The following FBLIM1 variants were observed in gnomAD, a reference collection of about 807,000 sequenced individuals.
FBLIM1 encodes filamin-binding LIM protein 1.
FBLIM1 carries 29 observed loss-of-function variants against 37.4 expected under a neutral mutation model. The ratio of observed to expected loss-of-function variants is 0.77; its 90% CI spans 0.58 to 1.06. The LOEUF is 1.06. FBLIM1 is among the 50% of genes least tolerant of loss of function. The pLI is 0.00. For synonymous variants in FBLIM1, 193 were observed against 199.0 expected (o/e 0.97, Z 0.25); for missense variants, 449 against 505.6 (o/e 0.89, Z 1.07).
At chr1:15,770,131 G>T (rs1042785614) in intron 5 of FBLIM1, among the ~76,000 whole-genome samples, 1 of 151,758 alleles carries the variant, frequency 6.6e-6, no homozygotes, top group African/African-American at 2.4e-5. Context: ...ATTTTTAGTA[G>T]AGATGGGGTT....
chr1:15,761,624 C>A (rs538404503), intron 1 of FBLIM1, among the ~76,000 whole-genome samples: 5 of 152,348 alleles, frequency 3.3e-5, no homozygotes, highest in African/African-American at 1.2e-4. Context: ...AGCATACGTA[C>A]TTCCAGACAT....
In FBLIM1 at chr1:15,781,718, G is replaced by GTTT. The variant is rs71002929; in HGVS notation, c.1009-2814_1009-2812dup. On this transcript the variant is annotated intron_variant, in intron 8 of 8. Coordinates refer to ENST00000375766, the MANE Select transcript of FBLIM1 (RefSeq NM_017556.4). ...AATACTTTTATATGTAGGTAGTATT[G>GTTT]TTTTTTTTTTTTTTTTTTGAGACGG... Among the ~76,000 whole-genome samples, 176 of 111,404 alleles carry GTTT rather than the reference G, an allele frequency of 1.6e-3. 6 individuals are homozygous for GTTT. The highest frequency in any genetic ancestry group is 5.1e-3 in the Middle Eastern group (1 of 196). 73.1% of individuals were successfully genotyped at this position (111,404 alleles called of 152,430 possible).
At chr1:15,783,396 C>T (rs556894596) in intron 8 of FBLIM1, among the ~76,000 whole-genome samples, 1 of 152,128 alleles carries the variant, frequency 6.6e-6, no homozygotes, top group South Asian at 2.1e-4. Flanking sequence ...GTCCCAGCTC[C>T]AGAACCAGCT....
intron 6 of FBLIM1, among the ~76,000 whole-genome samples, chr1:15,772,324 T>C (rs890870548): frequency 1.3e-5 from 2 of 152,098 alleles, no homozygotes; most frequent in African/African-American, 4.8e-5. Flanking sequence ...CGTGTCCCTG[T>C]GACCCCATCA....
chr1:15,761,319 A>T (rs576546615), intron 1 of FBLIM1, among the ~76,000 whole-genome samples: 6 of 152,264 alleles, frequency 3.9e-5, no homozygotes, highest in Non-Finnish European at 7.3e-5. Context: ...ATGATGTTCC[A>T]TTAGAATTCC....
At position 15,770,418 on chromosome 1, in the gene FBLIM1, C is replaced by T. The variant is rs1425768732; in HGVS notation, c.551C>T (p.Ala184Val). 1.2e-6 allele frequency: 2 copies of T among 1,612,956 alleles called. No individual in the cohort carries two copies. Among genetic ancestry groups the T allele is most frequent in the African/African-American group, 1.3e-5 (1 of 74,866 alleles). ...GTCTCCCCTACCCCAGACATCTGTG[C>T]CTTCTGCCACAAGACCGTGTCCCCC... The part of the protein sequence containing the change: ...VEKGASTDIC[A>V]FCHKTVSPRE... The change falls in exon 6 of 9, where the codon GCC (alanine) becomes GTC (valine). Residue 184 changes from alanine (A) to valine (V), a missense_variant. Ala to Val is a moderately conservative substitution (Grantham distance 64, BLOSUM62 0). Coordinates refer to ENST00000375766, the MANE Select transcript of FBLIM1 (RefSeq NM_017556.4).
chr1:15,776,636 G>A (rs1427618116), intron 7 of FBLIM1, among the ~76,000 whole-genome samples: 1 of 152,102 alleles, frequency 6.6e-6, no homozygotes, highest in East Asian at 1.9e-4. Flanking sequence ...AGGCCAAGGT[G>A]GGCGGATCAC....
chr1:15,774,823 G>A (rs2069411967), intron 7 of FBLIM1, 27 bp downstream of exon 7: 1 of 1,614,034 alleles, frequency 6.2e-7, no homozygotes, highest in African/African-American at 1.3e-5. Context: ...TGCACTGGGT[G>A]GGGTGCAGGG....
At chr1:15,766,011 A>G (rs1367358942) in intron 3 of FBLIM1, among the ~76,000 whole-genome samples, 1 of 152,162 alleles carries the variant, frequency 6.6e-6, no homozygotes, top group Non-Finnish European at 1.5e-5. Context: ...GCCTGTACCA[A>G]CACAGTCACT....
In FBLIM1 at chr1:15,784,836, C is replaced by T; in HGVS notation, c.*175C>T. ...TGGGGCTGAGCACCCCCAGGCCTTC[C>T]ACTCCTCTACCCTCTGGGCACCAGA... On this transcript the variant is annotated 3_prime_UTR_variant, in exon 9 of 9. Coordinates refer to ENST00000375766, the MANE Select transcript of FBLIM1 (RefSeq NM_017556.4). 3.8e-6 allele frequency: 2 copies of T among 522,612 alleles called. No individual in the cohort carries two copies. The highest frequency in any genetic ancestry group is 3.5e-6 in the Non-Finnish European group (1 of 289,034). 32.4% of individuals were successfully genotyped at this position (522,612 alleles called of 1,614,324 possible).
chr1:15,768,172 T>G (rs2069019152), intron 4 of FBLIM1, among the ~76,000 whole-genome samples: 1 of 152,168 alleles, frequency 6.6e-6, no homozygotes, highest in South Asian at 2.1e-4. Flanking sequence ...TTTGAGCCAC[T>G]GCACCTGGCC....
chr1:15,781,984 CT>C (rs1268308474), intron 8 of FBLIM1, among the ~76,000 whole-genome samples: 3 of 151,906 alleles, frequency 2.0e-5, no homozygotes, highest in Non-Finnish European at 4.4e-5. Context: ...TCCCAAAGAG[CT>C]GGAATTACAG....
At position 15,765,015 on chromosome 1, in the gene FBLIM1, C is replaced by T. The variant is rs145692215; in HGVS notation, c.32C>T (p.Ser11Leu). MASKPEKRVA[S>L]SVFITLAPPR... is the part of the protein sequence containing the mutation. The stretch of plus-strand genomic sequence containing the variant: ...TCAAAGCCTGAGAAGAGGGTGGCAT[C>T]GTCTGTCTTTATCACCCTGGCACCC... Residue 11 changes from serine (S) to leucine (L), a missense_variant, in exon 3 of 9, where the codon TCG becomes TTG. By Grantham distance (145) the Ser-to-Leu change is moderately radical (BLOSUM62 -2). Coordinates refer to ENST00000375766, the MANE Select transcript of FBLIM1 (RefSeq NM_017556.4). The surrounding 1 kb of genome is among the most constrained non-coding windows in gnomAD (Gnocchi z 5.9). The T allele has an allele frequency of 8.1e-6, 13 of 1,613,718 alleles. No individual in the cohort carries two copies. The highest frequency in any genetic ancestry group is 6.7e-5 in the African/African-American group (5 of 74,916).
chr1:15,771,249 G>GTTT (rs56244044), intron 6 of FBLIM1, among the ~76,000 whole-genome samples: 2 of 133,668 alleles, frequency 1.5e-5, no homozygotes, highest in African/African-American at 2.8e-5. Context: ...GTTTTTTTTT[G>GTTT]TTTTTTTTTT....
At chr1:15,779,368 G>A (rs568986937) in intron 8 of FBLIM1, among the ~76,000 whole-genome samples, 14 of 152,122 alleles carry the variant, frequency 9.2e-5, no homozygotes, top group African/African-American at 2.9e-4. Flanking sequence ...GCACCAGTGC[G>A]ATCTCAGCTC....
In FBLIM1 at chr1:15,763,590, C is replaced by T. The variant is rs556566833; in HGVS notation, c.-210-906C>T. 7.2e-3 allele frequency among the ~76,000 whole-genome samples: 1,089 copies of T among 150,604 alleles called. 12 individuals are homozygous for T. The highest frequency in any genetic ancestry group is 0.025 in the African/African-American group (1,042 of 41,250). ...AGTGGAGCTTGCAGTGAGCCAAGAT[C>T]GTGCCACTGCACTCCGGCCTGGGCA... On this transcript the variant is annotated intron_variant, in intron 1 of 8. Coordinates refer to ENST00000375766, the MANE Select transcript of FBLIM1 (RefSeq NM_017556.4).
intron 6 of FBLIM1, 45 bp from the exon 7 acceptor site, chr1:15,774,573 G>A (rs2069396438): frequency 6.4e-7 from 1 of 1,569,426 alleles, no homozygotes; most frequent in African/African-American, 1.3e-5. Flanking sequence ...TCGTGGGTTG[G>A]GGTGGGTGTG....
chr1:15,766,300 G>T (rs1036982628), intron 3 of FBLIM1, among the ~76,000 whole-genome samples: 18 of 151,942 alleles, frequency 1.2e-4, no homozygotes, highest in Admixed American at 1.1e-3. Flanking sequence ...GTATGTGTGT[G>T]TGTGTGTATA....
At chr1:15,767,249 GGA>G in intron 3 of FBLIM1, 125 bp from the exon 4 acceptor site, 1 of 758,790 alleles carries the variant, frequency 1.3e-6, no homozygotes. Flanking sequence ...AGTTAGACAT[GGA>G]ACCCAGGCCG....
Sources: gnomAD v4.1 joint callset for allele counts (sites outside exome capture counted in the v4.1 genomes callset) on GRCh38, gnomAD v4.1.1 for gene constraint, Gnocchi (gnomAD v3.1) non-coding constraint, MANE v1.5 for transcripts, NCBI Gene and HGNC (gene_info 2026-07-23, HGNC 2026-07-21) for gene names.